CDKAL1: variants seen among roughly 807,000 people sequenced by gnomAD.
CDKAL1 encodes the protein threonylcarbamoyladenosine tRNA methylthiotransferase.
In CDKAL1, 32 loss-of-function variants were observed where a neutral mutation model predicts 68.2. The ratio of observed to expected loss-of-function variants is 0.47; its 90% CI spans 0.35 to 0.63. The LOEUF is 0.63. Ranked by LOEUF, CDKAL1 falls within the 30% of genes least tolerant of loss-of-function variation. CDKAL1 has a pLI of 0.00. For synonymous variants in CDKAL1, 234 were observed against 244.3 expected, an observed-to-expected ratio of 0.96 and a Z score of 0.39; for missense variants, 606 against 696.7, an observed-to-expected ratio of 0.87 and a Z score of 1.47.
At chr6:20,561,696 T>C (rs1764275631) in intron 4 of CDKAL1, among the ~76,000 whole-genome samples, 1 of 152,160 alleles carries the variant, frequency 6.6e-6, no homozygotes, top group Non-Finnish European at 1.5e-5. Context: ...TGGCACAAAG[T>C]AGTAATTCAG....
chr6:20,988,427 A>G (rs963804972), intron 10 of CDKAL1, among the ~76,000 whole-genome samples: 7 of 152,146 alleles, frequency 4.6e-5, no homozygotes, highest in African/African-American at 1.7e-4. Context: ...TCAACACGTA[A>G]CATTCACAAT....
chr6:20,958,712 T>G (rs1764905570), intron 10 of CDKAL1, among the ~76,000 whole-genome samples: 1 of 152,208 alleles, frequency 6.6e-6, no homozygotes, highest in Non-Finnish European at 1.5e-5. Flanking sequence ...CTTTAAAACC[T>G]TCAGGGCAAG....
Position 21,171,414 on chromosome 6 carries a change from A to G in CDKAL1, c.1300-26607A>G, listed in dbSNP as rs550623708. On this transcript the variant is annotated intron_variant, in intron 13 of 15. Coordinates refer to ENST00000274695, the MANE Select transcript of CDKAL1 (RefSeq NM_017774.3). ...TTTTTTAGTAGAGATGGGGTTCACC[A>G]TGTTAGCCAGGCTGGTCTCGATCTC... Among the ~76,000 whole-genome samples, 240 of 152,066 alleles carry G rather than the reference A, an allele frequency of 1.6e-3. 4 individuals are homozygous for G. The highest frequency in any genetic ancestry group is 4.8e-3 in the African/African-American group (200 of 41,476).
chr6:20,773,170 C>T (rs573177266), intron 7 of CDKAL1: 146 of 152,292 alleles, frequency 9.6e-4, no homozygotes, highest in African/African-American at 3.3e-3. Flanking sequence ...CCAATCTAGA[C>T]TTGTGACAAA....
In CDKAL1 at chr6:20,739,414, A is replaced by G. The variant is rs538122212; in HGVS notation, c.372-105A>G. The G allele has an allele frequency of 1.4e-5, 9 of 631,028 alleles. No homozygotes were observed. In the South Asian group the frequency reaches 1.9e-4, roughly 14 times the overall value. 39.1% of individuals were successfully genotyped at this position (631,028 alleles called of 1,614,324 possible). Reference sequence around the variant, plus strand: ...TTGTAAGAAAATCTTGTTTCATGTGAGATAGGCCTGTTATTATTTGGAGAA... The same window carrying G: ...TTGTAAGAAAATCTTGTTTCATGTGGGATAGGCCTGTTATTATTTGGAGAA... On this transcript the variant is annotated intron_variant, in intron 5 of 15. Coordinates refer to ENST00000274695, the MANE Select transcript of CDKAL1 (RefSeq NM_017774.3).
At chr6:21,173,391 T>C (rs1777467095) in intron 13 of CDKAL1, among the ~76,000 whole-genome samples, 1 of 152,180 alleles carries the variant, frequency 6.6e-6, no homozygotes, top group Non-Finnish European at 1.5e-5. Context: ...AGTGCTTATT[T>C]AGGAAAGTGT....
chr6:20,764,405 G>C (rs1774604281), intron 7 of CDKAL1, among the ~76,000 whole-genome samples: 1 of 152,126 alleles, frequency 6.6e-6, no homozygotes, highest in African/African-American at 2.4e-5. Context: ...TATATAATTT[G>C]CAAGTTTCAC....
chr6:20,909,127 G>A (rs1762351076), intron 9 of CDKAL1, among the ~76,000 whole-genome samples: 1 of 151,988 alleles, frequency 6.6e-6, no homozygotes, highest in South Asian at 2.1e-4. Flanking sequence ...ATGAATGTGT[G>A]TATGTGTGGT....
At chr6:20,560,247 G>A (rs1341974276) in intron 4 of CDKAL1, among the ~76,000 whole-genome samples, 4 of 152,124 alleles carry the variant, frequency 2.6e-5, no homozygotes, top group Admixed American at 6.6e-5. Flanking sequence ...TCTTCTGATT[G>A]ATTTTTTAAA....
chr6:20,591,690 G>A (rs1332564422), intron 4 of CDKAL1, among the ~76,000 whole-genome samples: 1 of 152,038 alleles, frequency 6.6e-6, no homozygotes, highest in Non-Finnish European at 1.5e-5. Flanking sequence ...GTAGATGTGT[G>A]GCATTATTTC....
chr6:20,956,210 A>C (rs1207266680), intron 10 of CDKAL1, among the ~76,000 whole-genome samples: 1 of 152,214 alleles, frequency 6.6e-6, no homozygotes, highest in Non-Finnish European at 1.5e-5. Context: ...TTCACTTATC[A>C]ACATAATGGT....
At position 21,015,159 on chromosome 6, in the gene CDKAL1, A is replaced by G. The variant is rs532577022; in HGVS notation, c.1055+14787A>G. 2.0e-5 allele frequency among the ~76,000 whole-genome samples: 3 copies of G among 152,352 alleles called. No individual in the cohort carries two copies. The South Asian group carries it at 6.2e-4, about 32-fold the overall frequency. On this transcript the variant is annotated intron_variant, in intron 11 of 15. Coordinates refer to ENST00000274695, the MANE Select transcript of CDKAL1 (RefSeq NM_017774.3). ...CGGAATTACTGAATAATTTCTTGTC[A>G]GAACAAAAGAGATGGAGAGGAGAAA... is the stretch of plus-strand genomic sequence containing the variant.
chr6:20,638,376 G>A (rs978892435), intron 4 of CDKAL1, among the ~76,000 whole-genome samples: 9 of 152,044 alleles, frequency 5.9e-5, no homozygotes, highest in African/African-American at 7.2e-5. Flanking sequence ...TTTGTTGCCC[G>A]TTTTTTTCTA....
At chr6:21,130,332 A>G (rs913436698) in intron 13 of CDKAL1, among the ~76,000 whole-genome samples, 5 of 147,040 alleles carry the variant, frequency 3.4e-5, no homozygotes, top group African/African-American at 1.3e-4. Flanking sequence ...TCGAGCGATT[A>G]TCCTGCCTCA....
intron 10 of CDKAL1, among the ~76,000 whole-genome samples, chr6:20,968,009 C>G (rs757238655): frequency 2.0e-5 from 3 of 152,144 alleles, no homozygotes; most frequent in Non-Finnish European, 2.9e-5. Context: ...TTGCTGATCT[C>G]TTGCTGCTGT....
intron 4 of CDKAL1, among the ~76,000 whole-genome samples, chr6:20,625,261 A>G (rs1024918242): frequency 1.3e-5 from 2 of 152,146 alleles, no homozygotes; most frequent in African/African-American, 4.8e-5. Context: ...TGAGTAGATG[A>G]TAAAACTCTT....
At chr6:21,041,975 A>G (rs1769958688) in intron 11 of CDKAL1, among the ~76,000 whole-genome samples, 1 of 152,188 alleles carries the variant, frequency 6.6e-6, no homozygotes, top group Non-Finnish European at 1.5e-5. Context: ...GACATATTCT[A>G]AGGGTAGAGG....
At chr6:21,154,859 G>T (rs569474665) in intron 13 of CDKAL1, among the ~76,000 whole-genome samples, 26 of 152,032 alleles carry the variant, frequency 1.7e-4, no homozygotes, top group African/African-American at 6.0e-4. Flanking sequence ...TGGGTGTGGT[G>T]GCACACACCT....
intron 12 of CDKAL1, among the ~76,000 whole-genome samples, chr6:21,106,170 G>A (rs1044501044): frequency 3.3e-5 from 5 of 152,152 alleles, no homozygotes; most frequent in African/African-American, 1.2e-4. Context: ...TTTGTGCAAA[G>A]AATATGATTA....
Sources: gnomAD v4.1 joint callset for allele counts (sites outside exome capture counted in the v4.1 genomes callset) on GRCh38, gnomAD v4.1.1 for gene constraint, MANE v1.5 for transcripts, NCBI Gene and HGNC (gene_info 2026-07-23, HGNC 2026-07-21) for gene names.